MAGI1: variants seen among roughly 807,000 people sequenced by gnomAD.
MAGI1 encodes the protein membrane-associated guanylate kinase, WW and PDZ domain-containing protein 1.
MAGI1 carries 58 observed loss-of-function variants against 139.9 expected under a neutral mutation model. That is an observed-to-expected ratio of 0.41 (90% CI 0.34 to 0.52). The LOEUF (loss-of-function observed/expected upper bound fraction) is 0.52. MAGI1 is among the 20% of genes least tolerant of loss of function. The pLI is 0.12. For synonymous variants in MAGI1, 812 were observed against 737.9 expected (o/e 1.10, Z -1.63); for missense variants, 1,874 against 1,901.6 (o/e 0.99, Z 0.27).
At chr3:65,689,126 C>G (rs775830914) in intron 1 of MAGI1, among the ~76,000 whole-genome samples, 2 of 152,336 alleles carry the variant, frequency 1.3e-5, no homozygotes, top group East Asian at 3.9e-4. Context: ...CATAGTCCCT[C>G]TGAAACCCAG....
intron 2 of MAGI1, among the ~76,000 whole-genome samples, chr3:65,498,266 A>AGC: frequency 6.9e-6 from 1 of 144,028 alleles, no homozygotes. Flanking sequence ...TCTCAGGGAC[A>AGC]GCGTACTAAT....
intron 1 of MAGI1, among the ~76,000 whole-genome samples, chr3:65,831,936 A>G (rs942357385): frequency 2.0e-5 from 3 of 152,204 alleles, no homozygotes; most frequent in African/African-American, 7.2e-5. Flanking sequence ...TCCTGGACTT[A>G]CTGAATGTTG....
chr3:65,556,777 T>C (rs1021188412), intron 2 of MAGI1, among the ~76,000 whole-genome samples: 3 of 152,170 alleles, frequency 2.0e-5, no homozygotes, highest in African/African-American at 4.8e-5. Context: ...AATCTGACTA[T>C]GTCATTCCAA....
chr3:65,685,109 G>C (rs1191660381), intron 1 of MAGI1, among the ~76,000 whole-genome samples: 1 of 151,642 alleles, frequency 6.6e-6, no homozygotes, highest in African/African-American at 2.4e-5. Context: ...ACTAAGTGTA[G>C]AAGGGCTCTC....
rs914694673 is a variant in MAGI1 at position 65,803,755 on chromosome 3, T to C, written c.314-181667A>G. On this transcript the variant is annotated intron_variant, in intron 1 of 22. Transcript: ENST00000402939. Reference sequence around the variant, plus strand: ...TGTTGTTCCCCTCTCTGTGTCCACGTGTTCTCATCATTTAGCTCCCACTTA... The same window carrying C: ...TGTTGTTCCCCTCTCTGTGTCCACGCGTTCTCATCATTTAGCTCCCACTTA... 3.3e-5 allele frequency among the ~76,000 whole-genome samples: 5 copies of C among 152,224 alleles called. No homozygotes were observed. The South Asian group carries it at 1.0e-3, about 32-fold the overall frequency.
chr3:65,869,743 G>A (rs529154596), intron 1 of MAGI1, among the ~76,000 whole-genome samples: 2 of 152,092 alleles, frequency 1.3e-5, no homozygotes, highest in Non-Finnish European at 2.9e-5. Flanking sequence ...CTACAACAGA[G>A]CATGGCACAT....
intron 1 of MAGI1, among the ~76,000 whole-genome samples, chr3:65,782,858 C>A (rs933527966): frequency 5.3e-5 from 8 of 150,644 alleles, no homozygotes; most frequent in African/African-American, 2.0e-4. Flanking sequence ...TGTGAAAAGT[C>A]ATTTCACAGA....
intron 1 of MAGI1, among the ~76,000 whole-genome samples, chr3:65,916,159 C>T (rs916870580): frequency 5.3e-5 from 8 of 151,956 alleles, no homozygotes; most frequent in Non-Finnish European, 8.8e-5. Context: ...CTTTGCCTCC[C>T]GGGTTGACGC....
intron 1 of MAGI1, among the ~76,000 whole-genome samples, chr3:65,971,547 C>T (rs1167301504): frequency 6.6e-6 from 1 of 152,170 alleles, no homozygotes; most frequent in East Asian, 1.9e-4. Flanking sequence ...TGTCTGCAAC[C>T]CTCCACCCTG....
intron 1 of MAGI1, among the ~76,000 whole-genome samples, chr3:65,638,400 G>C (rs927687278): frequency 6.6e-6 from 1 of 151,766 alleles, no homozygotes; most frequent in East Asian, 1.9e-4. Flanking sequence ...AGTTAAACAA[G>C]CCAGCCTTTC....
At chr3:65,665,248 A>G (rs569763130) in intron 1 of MAGI1, among the ~76,000 whole-genome samples, 28 of 152,300 alleles carry the variant, frequency 1.8e-4, no homozygotes, top group African/African-American at 6.0e-4. Context: ...TTAGCTGTGA[A>G]TTCGGTGTTA....
At chr3:65,693,575 G>C (rs1277526104) in intron 1 of MAGI1, among the ~76,000 whole-genome samples, 2 of 152,144 alleles carry the variant, frequency 1.3e-5, no homozygotes, top group Non-Finnish European at 2.9e-5. Flanking sequence ...TGCCTTATTT[G>C]AAATGTCTAC....
chr3:65,592,468 A>G (rs1372030248), intron 2 of MAGI1, among the ~76,000 whole-genome samples: 2 of 152,176 alleles, frequency 1.3e-5, no homozygotes, highest in East Asian at 3.9e-4. Flanking sequence ...TCTTCCCACC[A>G]TACTTGGGGA....
intron 1 of MAGI1, among the ~76,000 whole-genome samples, chr3:65,791,457 A>C (rs1396786124): frequency 1.3e-5 from 2 of 152,218 alleles, no homozygotes; most frequent in Non-Finnish European, 2.9e-5. Flanking sequence ...ATATTAGAAA[A>C]TATTTAAGGG....
chr3:65,977,069 C>T (rs2107232160), intron 1 of MAGI1, among the ~76,000 whole-genome samples: 1 of 152,264 alleles, frequency 6.6e-6, no homozygotes, highest in East Asian at 1.9e-4. Flanking sequence ...TCAATTAAAG[C>T]ACCCTGGGCT....
chr3:65,369,986 G>A lies in MAGI1; in HGVS notation c.3197-5040C>T, dbSNP rs932909666. ...TCCATTTTACCTTGGAATCAACTATGTCCAACACGCTTTCACAGAAAGGAA... is the reference window on the plus strand; with the variant it reads ...TCCATTTTACCTTGGAATCAACTATATCCAACACGCTTTCACAGAAAGGAA... On this transcript the variant is annotated intron_variant, in intron 18 of 22. Coordinates refer to ENST00000402939, the MANE Select transcript of MAGI1 (RefSeq NM_001033057.2). Among the ~76,000 whole-genome samples, 6 of 152,160 alleles carry A rather than the reference G, an allele frequency of 3.9e-5. No homozygotes were observed. The East Asian group carries it at 1.2e-3, about 29-fold the overall frequency.
At position 66,008,269 on chromosome 3, in the gene MAGI1, G is replaced by C. The variant is rs2067136520; in HGVS notation, c.313+29727C>G. ...CAGCATCACGTGGGAGTTTGTTAGA[G>C]ATGCCCAACCTGGGCCTACTGAATC... On this transcript the variant is annotated intron_variant, in intron 1 of 22. Coordinates refer to ENST00000402939, the MANE Select transcript of MAGI1 (RefSeq NM_001033057.2). 2.6e-5 allele frequency among the ~76,000 whole-genome samples: 4 copies of C among 152,316 alleles called. No individual in the cohort carries two copies. The South Asian group carries it at 8.3e-4, about 32-fold the overall frequency.
intron 12 of MAGI1, among the ~76,000 whole-genome samples, chr3:65,419,950 G>A (rs12637665): frequency 0.22 from 32,955 of 151,946 alleles, 4,646 homozygotes; most frequent in East Asian, 0.68. Flanking sequence ...CAGTCAACCT[G>A]TGGAGTCCTG....
Position 65,701,235 on chromosome 3 carries a change from A to G in MAGI1, c.314-79147T>C, listed in dbSNP as rs151077374. 3.9e-3 allele frequency among the ~76,000 whole-genome samples: 599 copies of G among 152,350 alleles called. 5 individuals are homozygous for G. The highest frequency in any genetic ancestry group is 0.014 in the African/African-American group (570 of 41,582). On this transcript the variant is annotated intron_variant, in intron 1 of 22. Transcript: ENST00000402939. ...GATTATCTAAAATTCTCATAAAAGA[A>G]AAGCTCTAACTTGATTCCAAGTAGC...
Sources: gnomAD v4.1 joint callset for allele counts (sites outside exome capture counted in the v4.1 genomes callset) on GRCh38, gnomAD v4.1.1 for gene constraint, MANE v1.5 for transcripts, NCBI Gene and HGNC (gene_info 2026-07-23, HGNC 2026-07-21) for gene names.